PTK7: variants seen among roughly 807,000 people sequenced by gnomAD.
The protein encoded by PTK7 is protein tyrosine kinase 7 (inactive).
In PTK7, 39 loss-of-function variants were observed where a neutral mutation model predicts 116.6. That is an observed-to-expected ratio of 0.33 (90% CI 0.26 to 0.44). The LOEUF is 0.44. PTK7 is among the 20% of genes least tolerant of loss of function. PTK7 has a pLI of 1.00. For synonymous variants in PTK7, 546 were observed against 563.6 expected (o/e 0.97, Z 0.44); for missense variants, 1,169 against 1,425.6 (o/e 0.82, Z 2.90).
At chr6:43,120,215 GTGACT>G (rs1768876101) in intron 1 of PTK7, among the ~76,000 whole-genome samples, 1 of 152,186 alleles carries the variant, frequency 6.6e-6, no homozygotes, top group East Asian at 1.9e-4. Flanking sequence ...GGACACTTGA[GTGACT>G]TCATTCCCCC....
In PTK7 at chr6:43,089,061, T is replaced by G. The variant is rs375466350; in HGVS notation, c.79+12494T>G. Among the ~76,000 whole-genome samples the G allele has an allele frequency of 4.9e-4, 74 of 152,308 alleles. 3 individuals are homozygous for G. The South Asian group carries it at 0.015, about 31-fold the overall frequency. ...TGGTGCTCCAGGCCCTGCCTCATAGTAGGGGCCTAATGATGTAGATTTCCC... is the reference window on the plus strand; with the variant it reads ...TGGTGCTCCAGGCCCTGCCTCATAGGAGGGGCCTAATGATGTAGATTTCCC... On this transcript the variant is annotated intron_variant, in intron 1 of 19. Transcript: ENST00000230419.
chr6:43,161,517 A>G lies in PTK7; in HGVS notation c.*636A>G, dbSNP rs1172308361. 2 of 124,634 alleles carry G rather than the reference A, an allele frequency of 1.6e-5. No homozygotes were observed. Among genetic ancestry groups the G allele is most frequent in the Non-Finnish European group, 1.6e-5 (1 of 62,290 alleles). 7.7% of individuals were successfully genotyped at this position (124,634 alleles called of 1,614,324 possible). On this transcript the variant is annotated 3_prime_UTR_variant, in exon 20 of 20. Transcript: ENST00000230419. The stretch of plus-strand genomic sequence containing the variant: ...ACACTATATAAACCGCCCTTTTTGT[A>G]TGCACCACGGGCGGCTTTTATATGT...
chr6:43,133,054 A>G (rs756064733), intron 7 of PTK7: 5 of 433,882 alleles, frequency 1.2e-5, no homozygotes, highest in Non-Finnish European at 1.6e-5. Flanking sequence ...AAATGGAGCC[A>G]GTAATCTACT....
chr6:43,155,117 A>T (rs758361395), intron 17 of PTK7, among the ~76,000 whole-genome samples: 2 of 152,142 alleles, frequency 1.3e-5, no homozygotes, highest in Non-Finnish European at 2.9e-5. Context: ...GCCCCCCATC[A>T]AGAGCCCTGC....
chr6:43,077,688 A>T (rs1227856026), intron 1 of PTK7, among the ~76,000 whole-genome samples: 1 of 152,158 alleles, frequency 6.6e-6, no homozygotes, highest in Non-Finnish European at 1.5e-5. Flanking sequence ...TGTCGAGGAG[A>T]CCTGTCCTAG....
intron 1 of PTK7, among the ~76,000 whole-genome samples, chr6:43,085,857 C>T (rs543990881): frequency 1.5e-4 from 22 of 149,784 alleles, no homozygotes; most frequent in South Asian, 1.3e-3. Flanking sequence ...CGCTTGAACC[C>T]GGGAGGCCGA....
intron 17 of PTK7, among the ~76,000 whole-genome samples, chr6:43,147,394 G>T (rs1008944764): frequency 6.6e-6 from 1 of 152,306 alleles, no homozygotes; most frequent in Non-Finnish European, 1.5e-5. Context: ...GCTGTGGCCC[G>T]GCCCCTTCTT....
At chr6:43,120,086 G>A (rs972837990) in intron 1 of PTK7, among the ~76,000 whole-genome samples, 6 of 152,146 alleles carry the variant, frequency 3.9e-5, no homozygotes, top group Admixed American at 3.9e-4. Flanking sequence ...CTGATAAAGC[G>A]TTACTAAAAT....
In PTK7 at chr6:43,141,994, T is replaced by C; in HGVS notation, c.1832T>C (p.Leu611Pro). The change falls in exon 12 of 20, where the codon CTG becomes CCG. Residue 611 changes from leucine (L) to proline (P), a missense_variant. Leu to Pro is a moderately conservative substitution (Grantham distance 98). This residue lies in a region of PTK7 where 678 missense variants were observed against 853.8 expected (regional missense o/e 0.79). Transcript: ENST00000230419. This position sits in a 1 kb window ranked among gnomAD's most constrained non-coding sequence, Gnocchi z 4.9. The part of the protein sequence containing the change: ...TTVYQGHTAL[L>P]QCEAQGDPKP... ...GTGTACCAGGGCCACACAGCCCTAC[T>C]GCAGTGCGAGGCCCAGGGGGACCCC... 3.1e-6 allele frequency: 5 copies of C among 1,613,864 alleles called. No homozygotes were observed. Among genetic ancestry groups the C allele is most frequent in the Non-Finnish European group, 4.2e-6 (5 of 1,179,986 alleles).
chr6:43,076,675 T>A lies in PTK7; in HGVS notation c.79+108T>A, dbSNP rs1390936323. ...TTGGGCGGCTGGAACGGCCCTGGAG[T>A]AGTGGAGAGGCTCGCTGGGGGTGCA... On this transcript the variant is annotated intron_variant, in intron 1 of 19. Transcript: ENST00000230419. The surrounding 1 kb of genome is among the most constrained non-coding windows in gnomAD (Gnocchi z 5.7). The A allele has an allele frequency of 7.2e-7, 1 of 1,395,542 alleles. No individual in the cohort carries two copies. Among genetic ancestry groups the A allele is most frequent in the Non-Finnish European group, 9.5e-7 (1 of 1,050,370 alleles). 86.4% of individuals were successfully genotyped at this position (1,395,542 alleles called of 1,614,324 possible).
chr6:43,136,022 T>C (rs1433663878), intron 7 of PTK7, among the ~76,000 whole-genome samples: 1 of 152,218 alleles, frequency 6.6e-6, no homozygotes, highest in Non-Finnish European at 1.5e-5. Flanking sequence ...ACCCCGTCTC[T>C]ACTAAAAATA....
At chr6:43,118,749 ATGTGTG>A (rs58128834) in intron 1 of PTK7, among the ~76,000 whole-genome samples, 13,984 of 118,556 alleles carry the variant, frequency 0.12, 1,279 homozygotes, top group East Asian at 0.34. Flanking sequence ...ATGTGTGTGT[ATGTGTG>A]TGTGTGTGTG....
Position 43,159,249 on chromosome 6 carries a change from C to G in PTK7, c.2873+281C>G, listed in dbSNP as rs59150057. ...AATTTGATAAGGATTTATATATAATCTATTTATATGGCTCTCTCTGTAACT... is the reference window on the plus strand; with the variant it reads ...AATTTGATAAGGATTTATATATAATGTATTTATATGGCTCTCTCTGTAACT... On this transcript the variant is annotated intron_variant, in intron 18 of 19. Coordinates refer to ENST00000230419, the MANE Select transcript of PTK7 (RefSeq NM_002821.5). 0.022 allele frequency among the ~76,000 whole-genome samples: 3,294 copies of G among 152,256 alleles called. 52 individuals are homozygous for G. The highest frequency in any genetic ancestry group is 0.051 in the Middle Eastern group (15 of 294).
intron 17 of PTK7, among the ~76,000 whole-genome samples, chr6:43,150,987 T>C (rs1029524820): frequency 2.0e-5 from 3 of 147,602 alleles, no homozygotes; most frequent in Non-Finnish European, 4.5e-5. Context: ...CACACCCAAC[T>C]AATTTTTGTA....
chr6:43,120,624 G>A (rs994289228), intron 1 of PTK7, among the ~76,000 whole-genome samples: 8 of 152,174 alleles, frequency 5.3e-5, no homozygotes, highest in African/African-American at 1.4e-4. Context: ...TTGGCTGTGC[G>A]GATGGTGAGT....
chr6:43,130,698 A>G, intron 5 of PTK7, 37 bp downstream of exon 5: 1 of 1,607,432 alleles, frequency 6.2e-7, no homozygotes, highest in Non-Finnish European at 8.5e-7. Context: ...AGTACCATGT[A>G]CCACACACAT....
intron 1 of PTK7, among the ~76,000 whole-genome samples, chr6:43,089,587 G>A (rs567559689): frequency 6.6e-6 from 1 of 152,354 alleles, no homozygotes; most frequent in South Asian, 2.1e-4. Flanking sequence ...CATTCTATCA[G>A]TTTAGTTCCT....
At chr6:43,132,918 C>G (rs549663446) in intron 7 of PTK7, 1 of 630,310 alleles carries the variant, frequency 1.6e-6, no homozygotes, top group East Asian at 2.7e-5. Flanking sequence ...AAATGGTCCT[C>G]TGGGTACAGA....
intron 17 of PTK7, among the ~76,000 whole-genome samples, chr6:43,157,032 T>G (rs1182926439): frequency 6.6e-6 from 1 of 151,412 alleles, no homozygotes; most frequent in East Asian, 1.9e-4. Context: ...TTATATTATC[T>G]AGGAACATGT....
Sources: allele counts gnomAD v4.1 joint callset (sites outside exome capture counted in the v4.1 genomes callset), GRCh38; gene constraint gnomAD v4.1.1; regional missense constraint gnomAD v4.1.1; non-coding constraint Gnocchi (gnomAD v3.1); transcripts MANE v1.5; gene names NCBI Gene and HGNC (gene_info 2026-07-23, HGNC 2026-07-21).